MTUS2: variants seen among roughly 807,000 people sequenced by gnomAD.
The protein encoded by MTUS2 is microtubule associated scaffold protein 2, also known as microtubule-associated tumor suppressor candidate 2.
A neutral mutation model predicts 114.1 loss-of-function variants in MTUS2; 40 were observed. The ratio of observed to expected loss-of-function variants is 0.35; its 90% CI spans 0.27 to 0.46. The LOEUF is 0.46. Among genes scored for constraint, MTUS2 ranks in the 20% least tolerant of loss-of-function variants. The pLI is 1.00. For synonymous variants in MTUS2, 688 were observed against 672.0 expected (o/e 1.02, Z -0.37); for missense variants, 1,679 against 1,705.4 (o/e 0.98, Z 0.27).
At chr13:28,832,680 T>C (rs1874777494) in intron 1 of MTUS2, among the ~76,000 whole-genome samples, 1 of 147,818 alleles carries the variant, frequency 6.8e-6, no homozygotes, top group South Asian at 2.1e-4. Flanking sequence ...TTTAAAATTA[T>C]ATATTTATAT....
At chr13:29,395,251 T>C (rs1225514173) in intron 8 of MTUS2, among the ~76,000 whole-genome samples, 3 of 152,158 alleles carry the variant, frequency 2.0e-5, no homozygotes, top group Non-Finnish European at 4.4e-5. Context: ...CTTGAGGGTA[T>C]AATGGGTCAT....
intron 4 of MTUS2, among the ~76,000 whole-genome samples, chr13:29,090,536 G>T (rs1889895352): frequency 6.6e-6 from 1 of 152,242 alleles, no homozygotes; most frequent in South Asian, 2.1e-4. Context: ...GTAGCTGGTT[G>T]CACACTGGTG....
intron 6 of MTUS2, among the ~76,000 whole-genome samples, chr13:29,297,076 T>C (rs1217821169): frequency 6.6e-6 from 1 of 152,190 alleles, no homozygotes. Flanking sequence ...TTTCATAGTT[T>C]CAAGTTTTAC....
At chr13:29,332,141 C>G (rs1259420102) in intron 7 of MTUS2, among the ~76,000 whole-genome samples, 1 of 152,134 alleles carries the variant, frequency 6.6e-6, no homozygotes. Context: ...ATGGTACCAG[C>G]TCCTCTTTGT....
intron 4 of MTUS2, among the ~76,000 whole-genome samples, chr13:29,040,036 G>A (rs1887274358): frequency 6.6e-6 from 1 of 152,140 alleles, no homozygotes; most frequent in African/African-American, 2.4e-5. Flanking sequence ...AAGTTCTTTA[G>A]TGGTGATTTC....
intron 2 of MTUS2, among the ~76,000 whole-genome samples, chr13:28,845,647 C>T (rs1030414386): frequency 6.6e-6 from 1 of 151,044 alleles, no homozygotes; most frequent in Non-Finnish European, 1.5e-5. Context: ...TATGTTCCCT[C>T]TCTGTTTTGT....
intron 5 of MTUS2, among the ~76,000 whole-genome samples, chr13:29,139,529 A>G (rs997276582): frequency 1.3e-5 from 2 of 150,382 alleles, no homozygotes; most frequent in Non-Finnish European, 2.9e-5. Flanking sequence ...AATATCTAAT[A>G]TAATACTAAA....
At chr13:29,200,958 T>C (rs913182353) in intron 5 of MTUS2, among the ~76,000 whole-genome samples, 9 of 152,302 alleles carry the variant, frequency 5.9e-5, no homozygotes, top group African/African-American at 2.2e-4. Flanking sequence ...ATAAATGTGA[T>C]GTGGTGCAGA....
At chr13:28,820,908 T>C (rs966547464) in intron 1 of MTUS2, among the ~76,000 whole-genome samples, 3 of 152,182 alleles carry the variant, frequency 2.0e-5, no homozygotes, top group African/African-American at 7.2e-5. Flanking sequence ...CCCCCAGCTT[T>C]GGATAATTTG....
intron 2 of MTUS2, among the ~76,000 whole-genome samples, chr13:28,999,043 G>C (rs1470077808): frequency 6.6e-6 from 1 of 152,154 alleles, no homozygotes; most frequent in Non-Finnish European, 1.5e-5. Context: ...GGTCTTTGAT[G>C]ATGGTGATGT....
intron 2 of MTUS2, among the ~76,000 whole-genome samples, chr13:28,896,796 T>G (rs1879299134): frequency 6.6e-6 from 1 of 152,150 alleles, no homozygotes; most frequent in Non-Finnish European, 1.5e-5. Flanking sequence ...AAACAAGAAA[T>G]GGAGAAAGGA....
intron 5 of MTUS2, among the ~76,000 whole-genome samples, chr13:29,213,887 T>A (rs1386558172): frequency 4.6e-5 from 7 of 152,180 alleles, no homozygotes. Flanking sequence ...TCTTTTCTTT[T>A]GTTTTCCCTG....
chr13:29,394,731 G>C (rs1463406697), intron 8 of MTUS2, among the ~76,000 whole-genome samples: 1 of 152,330 alleles, frequency 6.6e-6, no homozygotes, highest in African/African-American at 2.4e-5. Context: ...TGTGCAGGAG[G>C]TGAGCAGTGG....
intron 5 of MTUS2, among the ~76,000 whole-genome samples, chr13:29,121,019 C>A (rs1891284946): frequency 6.6e-6 from 1 of 152,178 alleles, no homozygotes; most frequent in African/African-American, 2.4e-5. Flanking sequence ...AGTGTAAGAG[C>A]ATTTGAAATT....
chr13:29,391,562 G>A (rs948842570), intron 8 of MTUS2, among the ~76,000 whole-genome samples: 2 of 151,964 alleles, frequency 1.3e-5, no homozygotes, highest in African/African-American at 4.8e-5. Flanking sequence ...TCTCAGAATG[G>A]TGATGCTCTT....
chr13:29,289,629 AT>A (rs1169718706), intron 6 of MTUS2, among the ~76,000 whole-genome samples: 3 of 149,860 alleles, frequency 2.0e-5, no homozygotes, highest in Non-Finnish European at 3.0e-5. Flanking sequence ...CACCCGGGTA[AT>A]TTTTTTTTTA....
intron 2 of MTUS2, among the ~76,000 whole-genome samples, chr13:28,841,323 A>G (rs1394892685): frequency 6.6e-6 from 1 of 152,166 alleles, no homozygotes; most frequent in Non-Finnish European, 1.5e-5. Context: ...AAAGTTATTG[A>G]GGAAATTAGA....
intron 2 of MTUS2, among the ~76,000 whole-genome samples, chr13:28,921,725 C>T (rs1458816755): frequency 6.6e-6 from 1 of 152,186 alleles, no homozygotes; most frequent in Non-Finnish European, 1.5e-5. Context: ...TGGGTGGTTC[C>T]TCTCTGGCTA....
intron 9 of MTUS2, among the ~76,000 whole-genome samples, chr13:29,452,049 A>C (rs1878721775): frequency 6.6e-6 from 1 of 152,206 alleles, no homozygotes; most frequent in African/African-American, 2.4e-5. Flanking sequence ...CAGTGATGTC[A>C]ACTGCCGTGA....
Sources: gnomAD v4.1 joint callset for allele counts (sites outside exome capture counted in the v4.1 genomes callset) on GRCh38, gnomAD v4.1.1 for gene constraint, MANE v1.5 for transcripts, NCBI Gene and HGNC (gene_info 2026-07-23, HGNC 2026-07-21) for gene names.